Variants in TMEM184B observed in about 807,000 individuals in gnomAD.
The protein encoded by TMEM184B is putative MAPK-activating protein FM08.
A neutral mutation model predicts 41.8 loss-of-function variants in TMEM184B; 17 were observed. The ratio of observed to expected loss-of-function variants is 0.41; its 90% CI spans 0.28 to 0.61. TMEM184B has a LOEUF of 0.61. Among genes scored for constraint, TMEM184B ranks in the 20% least tolerant of loss-of-function variants. The probability of loss-of-function intolerance (pLI) is 0.34; values close to 1 mark genes in which losing one functional copy is unlikely to be tolerated. For missense variants in TMEM184B, 393 were observed against 557.8 expected, an observed-to-expected ratio of 0.70 and a Z score of 2.98; for synonymous variants, 240 against 229.5, an observed-to-expected ratio of 1.05 and a Z score of -0.41.
Position 38,225,158 on chromosome 22 carries a change from C to T in TMEM184B, c.788-179G>A, listed in dbSNP as rs1160204769. Among the ~76,000 whole-genome samples, 1 of 152,224 alleles carries T rather than the reference C, an allele frequency of 6.6e-6. No homozygotes were observed. The highest frequency in any genetic ancestry group is 2.4e-5 in the African/African-American group (1 of 41,458). ...ACAGCCTCCGGAAACCCCACTCTCCCAGCTCTTTGCCACCGAAACTGAGAT... is the reference window on the plus strand; with the variant it reads ...ACAGCCTCCGGAAACCCCACTCTCCTAGCTCTTTGCCACCGAAACTGAGAT... On this transcript the variant is annotated intron_variant, in intron 7 of 8. Coordinates refer to ENST00000361906, the MANE Select transcript of TMEM184B (RefSeq NM_012264.5). This position sits in a 1 kb window ranked among gnomAD's most constrained non-coding sequence, Gnocchi z 4.4.
chr22:38,226,464 G>A lies in TMEM184B; in HGVS notation c.617+315C>T, dbSNP rs117888066. The A allele has an allele frequency of 3.8e-5, 12 of 312,416 alleles. No individual in the cohort carries two copies. Among genetic ancestry groups the A allele is most frequent in the African/African-American group, 1.3e-4 (6 of 47,442 alleles). 19.4% of individuals were successfully genotyped at this position (312,416 alleles called of 1,614,324 possible). A position where few individuals can be genotyped will look rare whatever the true frequency, so the allele number is the denominator to read the frequency against. ...GGCTTTGTATCTGTGGACTTGAGCC[G>A]ACCTCTTGGGGCTCTGACCCTCTCG... On this transcript the variant is annotated intron_variant, in intron 6 of 8. Transcript: ENST00000361906. The surrounding 1 kb of genome is among the most constrained non-coding windows in gnomAD (Gnocchi z 4.6).
In TMEM184B at chr22:38,221,561, C is replaced by T; in HGVS notation, c.1132G>A (p.Gly378Ser). 1.9e-6 allele frequency: 3 copies of T among 1,613,958 alleles called. No individual in the cohort carries two copies. The highest frequency in any genetic ancestry group is 1.7e-6 in the Non-Finnish European group (2 of 1,179,964). ...GAGCGGGAGAGGCCGTGGGCGCCACCACGCCAGGTGGGCCCAGGCTCCAGG... is the reference window on the plus strand; with the variant it reads ...GAGCGGGAGAGGCCGTGGGCGCCACTACGCCAGGTGGGCCCAGGCTCCAGG... The part of the protein sequence containing the change: ...STLEPGPTWR[G>S]GAHGLSRSHS... The change falls in exon 9 of 9, where the codon GGT (glycine) becomes AGT (serine). Residue 378 changes from glycine (G) to serine (S), a missense_variant. By Grantham distance (56) the Gly-to-Ser change is moderately conservative (BLOSUM62 0). Coordinates refer to ENST00000361906, the MANE Select transcript of TMEM184B (RefSeq NM_012264.5).
Position 38,221,238 on chromosome 22 carries a change from C to T in TMEM184B, c.*231G>A. 1 of 1,394,494 alleles carries T rather than the reference C, an allele frequency of 7.2e-7. No individual in the cohort carries two copies. The highest frequency in any genetic ancestry group is 9.3e-7 in the Non-Finnish European group (1 of 1,077,768). The allele number at this position is 1,394,494 out of a possible 1,614,324, so 86.4% of individuals were successfully genotyped here. The stretch of plus-strand genomic sequence containing the variant: ...TAAGCCTTGCTCCCAGTGTCCTCTG[C>T]CCTCGCCCGGGCAGTGCAGGCTGGG... On this transcript the variant is annotated 3_prime_UTR_variant, in exon 9 of 9. Coordinates refer to ENST00000361906, the MANE Select transcript of TMEM184B (RefSeq NM_012264.5).
Position 38,220,850 on chromosome 22 carries a change from C to T in TMEM184B, c.*619G>A. On this transcript the variant is annotated 3_prime_UTR_variant, in exon 9 of 9. Transcript: ENST00000361906. ...TCAACAGAAGCGGTGCCCAGGGGCC[C>T]TGAATGCCCTTCCTGGGTGGGGCCT... is the stretch of plus-strand genomic sequence containing the variant. 1 of 986,158 alleles carries T rather than the reference C, an allele frequency of 1.0e-6. No homozygotes were observed. Among genetic ancestry groups the T allele is most frequent in the Non-Finnish European group, 1.2e-6 (1 of 830,156 alleles). 61.1% of individuals were successfully genotyped at this position (986,158 alleles called of 1,614,324 possible).
At chr22:38,249,466 C>T (rs1260385456) in intron 1 of TMEM184B, among the ~76,000 whole-genome samples, 1 of 152,190 alleles carries the variant, frequency 6.6e-6, no homozygotes, top group African/African-American at 2.4e-5. Flanking sequence ...CTGATTTTCA[C>T]TGCTTGTTTC....
At chr22:38,244,259 T>A (rs2091976728) in intron 3 of TMEM184B, among the ~76,000 whole-genome samples, 1 of 151,948 alleles carries the variant, frequency 6.6e-6, no homozygotes, top group Non-Finnish European at 1.5e-5. Context: ...CATGCTTCAC[T>A]CCAATATCCA....
chr22:38,226,008 G>A lies in TMEM184B; in HGVS notation c.618-415C>T, dbSNP rs2091425363. The stretch of plus-strand genomic sequence containing the variant: ...CTCCTTTTGCCCACCTGCCCTGGCA[G>A]GGCTGTTACACAGTTCACAGACAGT... On this transcript the variant is annotated intron_variant, in intron 6 of 8. Coordinates refer to ENST00000361906, the MANE Select transcript of TMEM184B (RefSeq NM_012264.5). This position sits in a 1 kb window ranked among gnomAD's most constrained non-coding sequence, Gnocchi z 4.6. Among the ~76,000 whole-genome samples the A allele has an allele frequency of 6.6e-6, 1 of 151,030 alleles. No homozygotes were observed. Among genetic ancestry groups the A allele is most frequent in the African/African-American group, 2.5e-5 (1 of 40,350 alleles).
At chr22:38,227,117 G>A (rs1041286996) in intron 5 of TMEM184B, among the ~76,000 whole-genome samples, 7 of 151,980 alleles carry the variant, frequency 4.6e-5, no homozygotes, top group African/African-American at 9.7e-5. Context: ...CTGTCTGCGC[G>A]GGGCGGGGGG....
intron 5 of TMEM184B, among the ~76,000 whole-genome samples, chr22:38,229,837 G>A (rs113496996): frequency 3.4e-3 from 6 of 1,772 alleles, no homozygotes; most frequent in Admixed American, 3.9e-3. Flanking sequence ...AAGCTAGAGC[G>A]GCTGGATTGC....
chr22:38,255,467 TG>T (rs1165395348), intron 1 of TMEM184B, among the ~76,000 whole-genome samples: 1 of 152,224 alleles, frequency 6.6e-6, no homozygotes, highest in African/African-American at 2.4e-5. Flanking sequence ...CCACCATGCC[TG>T]GCCCCGGCAG....
Position 38,219,839 on chromosome 22 carries a change from A to C in TMEM184B, c.*1630T>G. The C allele has an allele frequency of 1.0e-6, 1 of 985,276 alleles. No individual in the cohort carries two copies. Among genetic ancestry groups the C allele is most frequent in the Non-Finnish European group, 1.2e-6 (1 of 829,948 alleles). The allele number at this position is 985,276 out of a possible 1,614,324, so 61.0% of individuals were successfully genotyped here. A position where few individuals can be genotyped will look rare whatever the true frequency, so the allele number is the denominator to read the frequency against. On this transcript the variant is annotated 3_prime_UTR_variant, in exon 9 of 9. Transcript: ENST00000361906. Reference sequence around the variant, plus strand: ...CACCCTCCCGGGCAGCTTGGGCCCAACTGCTCCGCCCCCCCAAGATGGAGG... The same window carrying C: ...CACCCTCCCGGGCAGCTTGGGCCCACCTGCTCCGCCCCCCCAAGATGGAGG...
chr22:38,224,986 G>T lies in TMEM184B; in HGVS notation c.788-7C>A. On this transcript the variant is annotated splice_region_variant and splice_polypyrimidine_tract_variant and intron_variant, in intron 7 of 8. Transcript: ENST00000361906. The stretch of plus-strand genomic sequence containing the variant: ...AGGATGGCCAGGAGCATGCCTGGAT[G>T]GGGAGGCACGGGTGTCTGGACCCAG... 1 of 1,546,374 alleles carries T rather than the reference G, an allele frequency of 6.5e-7. No homozygotes were observed.
At chr22:38,271,100 CTGCACAAA>C (rs1458060006) in intron 1 of TMEM184B, among the ~76,000 whole-genome samples, 3 of 152,346 alleles carry the variant, frequency 2.0e-5, no homozygotes, top group African/African-American at 7.2e-5. Context: ...ATCCCAACGA[CTGCACAAA>C]TGCTTTGGGG....
rs1484073783 is a variant in TMEM184B, at chr22:38,256,938, C to CTGT, written c.-58-8922_-58-8920dup. On this transcript the variant is annotated intron_variant, in intron 1 of 8. Transcript: ENST00000361906. ...CCTCAACGGGTGACGTCTAGTCTAG[C>CTGT]TGTAGTACAGTATCAAAGCCTGGAA... Among the ~76,000 whole-genome samples, 4 of 150,730 alleles carry CTGT rather than the reference C, an allele frequency of 2.7e-5. No individual in the cohort carries two copies. In the East Asian group the frequency reaches 7.8e-4, roughly 29 times the overall value.
intron 3 of TMEM184B, among the ~76,000 whole-genome samples, chr22:38,233,625 G>C (rs971125040): frequency 3.9e-5 from 6 of 152,216 alleles, no homozygotes; most frequent in African/African-American, 1.4e-4. Flanking sequence ...CAAAGGGAAA[G>C]GGGTGGGCAT....
At chr22:38,245,083 G>A (rs2091993853) in intron 3 of TMEM184B, among the ~76,000 whole-genome samples, 1 of 152,224 alleles carries the variant, frequency 6.6e-6, no homozygotes, top group African/African-American at 2.4e-5. Flanking sequence ...TCTTCTTCCT[G>A]GGTGGCACAG....
In TMEM184B at chr22:38,253,355, A is replaced by T. The variant is rs982953023; in HGVS notation, c.-58-5336T>A. 1.8e-4 allele frequency among the ~76,000 whole-genome samples: 27 copies of T among 152,264 alleles called. 1 individual carries two copies. The highest frequency in any genetic ancestry group is 6.5e-4 in the African/African-American group (27 of 41,554). On this transcript the variant is annotated intron_variant, in intron 1 of 8. Transcript: ENST00000361906. ...GAGGCCAAGGTGGGTGGATCACTTG[A>T]GGCTAGGAGTTCGAGACCAGCCAGG...
intron 1 of TMEM184B, among the ~76,000 whole-genome samples, chr22:38,270,464 C>T (rs2092506147): frequency 6.6e-6 from 1 of 152,246 alleles, no homozygotes; most frequent in African/African-American, 2.4e-5. Context: ...TCCTATTGTC[C>T]TCTGGGCCCC....
chr22:38,247,746 A>C, intron 2 of TMEM184B, 24 bp downstream of exon 2: 1 of 1,600,970 alleles, frequency 6.2e-7, no homozygotes, highest in Non-Finnish European at 8.5e-7. Flanking sequence ...ACCTTTCTAG[A>C]GGCCCCTTGC....
Sources: gnomAD v4.1 joint callset for allele counts (sites outside exome capture counted in the v4.1 genomes callset) on GRCh38, gnomAD v4.1.1 for gene constraint, Gnocchi (gnomAD v3.1) non-coding constraint, MANE v1.5 for transcripts, NCBI Gene and HGNC (gene_info 2026-07-23, HGNC 2026-07-21) for gene names.